Variants in PLEKHB1 observed in about 807,000 individuals in gnomAD.
PLEKHB1 encodes pleckstrin homology domain containing B1, also known as pleckstrin homology domain-containing family B member 1.
PLEKHB1 carries 29 observed loss-of-function variants against 36.2 expected under a neutral mutation model. The observed-to-expected ratio is 0.80, with a 90% CI of 0.60 to 1.09. The LOEUF is 1.09. Among genes scored for constraint, PLEKHB1 ranks in the 50% least tolerant of loss-of-function variants. The pLI is 0.00. For missense variants in PLEKHB1, 330 were observed against 348.2 expected (o/e 0.95, Z 0.42); for synonymous variants, 138 against 140.0 (o/e 0.99, Z 0.10).
Position 73,655,912 on chromosome 11 carries a change from G to A in PLEKHB1, c.495+5G>A. On this transcript the variant is annotated splice_donor_5th_base_variant and intron_variant, in intron 6 of 7. Coordinates refer to ENST00000354190, the MANE Select transcript of PLEKHB1 (RefSeq NM_021200.3). ...AAGGTTGAGAGGCGGATCTGGGTAA[G>A]TGCTGGCTCGGCCCTCCCTGCCTCC... 1 of 1,613,362 alleles carries A rather than the reference G, an allele frequency of 6.2e-7. No individual in the cohort carries two copies. Among genetic ancestry groups the A allele is most frequent in the East Asian group, 2.2e-5 (1 of 44,872 alleles).
chr11:73,648,361 G>C (rs1314040407), intron 1 of PLEKHB1: 1 of 154,110 alleles, frequency 6.5e-6, no homozygotes, highest in Non-Finnish European at 1.4e-5. Context: ...CCCCATCTCT[G>C]AAATAGGAAT....
At chr11:73,653,270 T>C (rs1316058873) in intron 5 of PLEKHB1, 5 of 668,890 alleles carry the variant, frequency 7.5e-6, no homozygotes, top group South Asian at 6.3e-5. Flanking sequence ...GAACTGTCTT[T>C]TATCGAGCAA....
chr11:73,654,202 T>C (rs1944952006), intron 5 of PLEKHB1, among the ~76,000 whole-genome samples: 1 of 152,092 alleles, frequency 6.6e-6, no homozygotes, highest in African/African-American at 2.4e-5. Flanking sequence ...ATTTAGGAGA[T>C]GGAGTCAACA....
chr11:73,660,671 G>C, intron 6 of PLEKHB1, 82 bp from the exon 7 acceptor site: 1 of 1,318,104 alleles, frequency 7.6e-7, no homozygotes, highest in Non-Finnish European at 1.1e-6. Context: ...GGATCCCAGA[G>C]AGGCCTGTGC....
intron 6 of PLEKHB1, among the ~76,000 whole-genome samples, chr11:73,656,974 A>G (rs1459768779): frequency 6.6e-6 from 1 of 152,112 alleles, no homozygotes; most frequent in Non-Finnish European, 1.5e-5. Context: ...AACATGGTGA[A>G]ACCCCATCTC....
At chr11:73,656,888 G>A (rs767808913) in intron 6 of PLEKHB1, among the ~76,000 whole-genome samples, 8 of 152,216 alleles carry the variant, frequency 5.3e-5, no homozygotes, top group Non-Finnish European at 8.8e-5. Context: ...CCTGGTGGCT[G>A]ACACCTATAA....
intron 6 of PLEKHB1, among the ~76,000 whole-genome samples, chr11:73,657,491 C>T (rs1053264791): frequency 6.6e-6 from 1 of 152,196 alleles, no homozygotes; most frequent in Non-Finnish European, 1.5e-5. Flanking sequence ...CACAAAGTAG[C>T]TGGGCCTCTG....
Position 73,648,732 on chromosome 11 carries a change from G to A in PLEKHB1, c.19-280G>A, listed in dbSNP as rs1021949182. 1.3e-5 allele frequency: 15 copies of A among 1,198,816 alleles called. No homozygotes were observed. In the South Asian group the frequency reaches 2.4e-4, roughly 19 times the overall value. 74.3% of individuals were successfully genotyped at this position (1,198,816 alleles called of 1,614,324 possible). A position where few individuals can be genotyped will look rare whatever the true frequency, so the allele number is the denominator to read the frequency against. Reference sequence around the variant, plus strand: ...AACTGAGACCAGGACAGAGGGCCAGGGAGGAGGGATATGGCCAAAGTTACC... The same window carrying A: ...AACTGAGACCAGGACAGAGGGCCAGAGAGGAGGGATATGGCCAAAGTTACC... On this transcript the variant is annotated intron_variant, in intron 1 of 7. Coordinates refer to ENST00000354190, the MANE Select transcript of PLEKHB1 (RefSeq NM_021200.3).
At chr11:73,652,917 G>T in intron 4 of PLEKHB1, 58 bp from the exon 5 acceptor site, 1 of 1,471,450 alleles carries the variant, frequency 6.8e-7, no homozygotes, top group Non-Finnish European at 9.3e-7. Context: ...AAATGTGGGG[G>T]CCCAATTCAC....
chr11:73,661,057 C>T lies in PLEKHB1; in HGVS notation c.595+205C>T, dbSNP rs1413371908. ...TTCGTCTCGAGCTGACCTCACCCTT[C>T]TGGGATGGCTCCTCAGCCCTGCGGT... is the stretch of plus-strand genomic sequence containing the variant. On this transcript the variant is annotated intron_variant, in intron 7 of 7. Transcript: ENST00000354190. This position sits in a 1 kb window ranked among gnomAD's most constrained non-coding sequence, Gnocchi z 4.6. The T allele has an allele frequency of 6.0e-5, 37 of 612,290 alleles. No homozygotes were observed. Among genetic ancestry groups the T allele is most frequent in the Middle Eastern group, 4.4e-4 (1 of 2,278 alleles). 37.9% of individuals were successfully genotyped at this position (612,290 alleles called of 1,614,324 possible). A position where few individuals can be genotyped will look rare whatever the true frequency, so the allele number is the denominator to read the frequency against.
At chr11:73,648,938 G>T in intron 1 of PLEKHB1, 74 bp from the exon 2 acceptor site, 1 of 1,531,168 alleles carries the variant, frequency 6.5e-7, no homozygotes. Flanking sequence ...TGGCTCCCCA[G>T]GGACGGCAGG....
In PLEKHB1 at chr11:73,661,841, A is replaced by C; in HGVS notation, c.*239A>C. ...ACATCTACCACTAGACACCCCCAAA[A>C]TCTGTTATAGACATTTATGGATACA... On this transcript the variant is annotated 3_prime_UTR_variant, in exon 8 of 8. Coordinates refer to ENST00000354190, the MANE Select transcript of PLEKHB1 (RefSeq NM_021200.3). This position sits in a 1 kb window ranked among gnomAD's most constrained non-coding sequence, Gnocchi z 4.6. 2 of 498,786 alleles carry C rather than the reference A, an allele frequency of 4.0e-6. No individual in the cohort carries two copies. Among genetic ancestry groups the C allele is most frequent in the Non-Finnish European group, 3.5e-6 (1 of 286,008 alleles). The allele number at this position is 498,786 out of a possible 1,614,324, so 30.9% of individuals were successfully genotyped here. A position where few individuals can be genotyped will look rare whatever the true frequency, so the allele number is the denominator to read the frequency against.
intron 2 of PLEKHB1, among the ~76,000 whole-genome samples, chr11:73,650,274 G>C (rs183261268): frequency 6.6e-6 from 1 of 152,206 alleles, no homozygotes; most frequent in Non-Finnish European, 1.5e-5. Context: ...CCCTTGAAGA[G>C]ACCTGGGGCT....
rs766212784 is a variant in PLEKHB1 at position 73,655,861 on chromosome 11, G to A, written c.449G>A (p.Cys150Tyr). Residue 150 changes from cysteine to tyrosine, a missense_variant, in exon 6 of 8, where the codon TGT (cysteine) becomes TAT (tyrosine). By Grantham distance (194) the Cys-to-Tyr change is radical. Transcript: ENST00000354190. ...RSRRVCSKVR[C>Y]VTRSWSPCKV... ...CGCCGGGTTTGCTCCAAGGTCAGGT[G>A]TGTGACCCGCTCGTGGAGCCCCTGT... 11 of 1,613,694 alleles carry A rather than the reference G, an allele frequency of 6.8e-6. No individual in the cohort carries two copies. The highest frequency in any genetic ancestry group is 1.6e-4 in the Middle Eastern group (1 of 6,082).
intron 7 of PLEKHB1, 85 bp downstream of exon 7, chr11:73,660,937 C>CGT: frequency 1.6e-6 from 2 of 1,243,788 alleles, no homozygotes; most frequent in Non-Finnish European, 2.3e-6. Flanking sequence ...AAGTCCGGAC[C>CGT]AGGCTTCATC....
In PLEKHB1 at chr11:73,660,842, G is replaced by C. The variant is rs1239362393; in HGVS notation, c.585G>C (p.Pro195=). Residue 195 remains proline (P), a synonymous_variant, in exon 7 of 8, where the codon CCG becomes CCC. Transcript: ENST00000354190. ...CGTATGTCCGCAGCTACTACGGACC[G>C]CCCTACGCAGGTAAGTCTCCAGCGT... ...EATYVRSYYG[P]PYAGPGVTHV... is the part of the protein sequence containing the mutation. 6.3e-7 allele frequency: 1 copy of C among 1,586,346 alleles called. No homozygotes were observed. Among genetic ancestry groups the C allele is most frequent in the African/African-American group, 1.4e-5 (1 of 71,224 alleles).
At position 73,661,350 on chromosome 11, in the gene PLEKHB1, A is replaced by T; in HGVS notation, c.596-116A>T. ...TAGATCTGTTCTTTGACTGGGGAGCAGGAGAGTGGGTTCGGCGCCTTACAC... is the reference window on the plus strand; with the variant it reads ...TAGATCTGTTCTTTGACTGGGGAGCTGGAGAGTGGGTTCGGCGCCTTACAC... On this transcript the variant is annotated intron_variant, in intron 7 of 7. Transcript: ENST00000354190. This position sits in a 1 kb window ranked among gnomAD's most constrained non-coding sequence, Gnocchi z 4.6. 1 of 1,150,174 alleles carries T rather than the reference A, an allele frequency of 8.7e-7. No homozygotes were observed. The highest frequency in any genetic ancestry group is 1.3e-6 in the Non-Finnish European group (1 of 794,922). The allele number at this position is 1,150,174 out of a possible 1,614,324, so 71.2% of individuals were successfully genotyped here. A position where few individuals can be genotyped will look rare whatever the true frequency, so the allele number is the denominator to read the frequency against.
At chr11:73,659,026 C>A (rs1043118383) in intron 6 of PLEKHB1, among the ~76,000 whole-genome samples, 1 of 152,090 alleles carries the variant, frequency 6.6e-6, no homozygotes, top group African/African-American at 2.4e-5. Context: ...GAGTTCAAGA[C>A]CAGCCTGGCG....
intron 6 of PLEKHB1, among the ~76,000 whole-genome samples, 157 bp downstream of exon 6, chr11:73,656,064 G>A (rs541765157): frequency 1.3e-5 from 2 of 152,308 alleles, no homozygotes; most frequent in Non-Finnish European, 2.9e-5. Flanking sequence ...TCTGTCCCCA[G>A]CCACACCAGA....
Sources: gnomAD v4.1 joint callset for allele counts (sites outside exome capture counted in the v4.1 genomes callset) on GRCh38, gnomAD v4.1.1 for gene constraint, Gnocchi (gnomAD v3.1) non-coding constraint, MANE v1.5 for transcripts, NCBI Gene and HGNC (gene_info 2026-07-23, HGNC 2026-07-21) for gene names.